ARHGEF17: variants seen among roughly 807,000 people sequenced by gnomAD.
ARHGEF17 encodes the protein Rho guanine nucleotide exchange factor 17, also known as 164 kDa Rho-specific guanine-nucleotide exchange factor.
ARHGEF17 carries 80 observed loss-of-function variants against 174.0 expected under a neutral mutation model. The observed-to-expected ratio is 0.46, with a 90% CI of 0.38 to 0.55. The LOEUF (loss-of-function observed/expected upper bound fraction) is 0.55. Among genes scored for constraint, ARHGEF17 ranks in the 20% least tolerant of loss-of-function variants. The pLI, the probability that ARHGEF17 is intolerant of heterozygous loss-of-function variation, is 0.00. For missense variants in ARHGEF17, 2,886 were observed against 2,839.7 expected, an observed-to-expected ratio of 1.02 and a Z score of -0.37; for synonymous variants, 1,311 against 1,189.1, an observed-to-expected ratio of 1.10 and a Z score of -2.11.
rs1448279286 is a variant in ARHGEF17, at chr11:73,363,102, G to A, written c.4997-104G>A. The A allele has an allele frequency of 1.3e-5, 19 of 1,416,568 alleles. No individual in the cohort carries two copies. In the Admixed American group the frequency reaches 5.1e-4, roughly 38 times the overall value. The allele number at this position is 1,416,568 out of a possible 1,614,324, so 87.7% of individuals were successfully genotyped here. On this transcript the variant is annotated intron_variant, in intron 14 of 20. Coordinates refer to ENST00000263674, the MANE Select transcript of ARHGEF17 (RefSeq NM_014786.4). ...AGGCCGGGGAAGAACAGCTTTGAGA[G>A]GCCTTCCGGAGGGGCATGGCCAGGA...
Position 73,308,955 on chromosome 11 carries a change from T to A in ARHGEF17, c.317T>A (p.Val106Asp). 3.7e-6 allele frequency: 5 copies of A among 1,358,880 alleles called. No homozygotes were observed. Among genetic ancestry groups the A allele is most frequent in the Non-Finnish European group, 4.7e-6 (5 of 1,061,026 alleles). 84.2% of individuals were successfully genotyped at this position (1,358,880 alleles called of 1,614,324 possible). Residue 106 changes from valine (V) to aspartate (D), a missense_variant, in exon 1 of 21, where the codon GTC becomes GAC. By Grantham distance (152) the Val-to-Asp change is radical (BLOSUM62 -3). This residue lies in a region of ARHGEF17 where 1,728 missense variants were observed against 1,461.2 expected (regional missense o/e 1.18). Transcript: ENST00000263674. ...DGSAGTRDGG[V>D]LPAAAEEAAE... is the part of the protein sequence containing the mutation. ...TCCGCTGGGACCCGAGACGGAGGCG[T>A]CTTACCCGCGGCCGCGGAAGAAGCG... is the stretch of plus-strand genomic sequence containing the variant.
intron 2 of ARHGEF17, 56 bp from the exon 3 acceptor site, chr11:73,352,774 G>A: frequency 6.3e-7 from 1 of 1,594,006 alleles, no homozygotes; most frequent in Non-Finnish European, 8.6e-7. Context: ...CCCTGTGTAG[G>A]TGTGGTGGGG....
rs779001452 is a variant in ARHGEF17, at chr11:73,309,122, G to C, written c.484G>C (p.Ala162Pro). Residue 162 changes from alanine (A) to proline (P), a missense_variant, in exon 1 of 21, where the codon GCT (alanine) becomes CCT (proline). This residue lies in a region of ARHGEF17 where 1,728 missense variants were observed against 1,461.2 expected (regional missense o/e 1.18). Coordinates refer to ENST00000263674, the MANE Select transcript of ARHGEF17 (RefSeq NM_014786.4). ...SPDGAAWEPP[A>P]RESRQPPTPP... ...CGACGGTGCCGCGTGGGAGCCTCCG[G>C]CTCGGGAGTCGCGGCAGCCACCGAC... is the stretch of plus-strand genomic sequence containing the variant. 1.5e-4 allele frequency: 238 copies of C among 1,570,344 alleles called. No homozygotes were observed. The highest frequency in any genetic ancestry group is 1.9e-4 in the Non-Finnish European group (226 of 1,160,900).
At position 73,346,863 on chromosome 11, in the gene ARHGEF17, C is replaced by T. The variant is rs2134411324; in HGVS notation, c.3193-20C>T. 2 of 1,457,756 alleles carry T rather than the reference C, an allele frequency of 1.4e-6. No homozygotes were observed. The highest frequency in any genetic ancestry group is 5.3e-5 in the East Asian group (2 of 37,766). 90.3% of individuals were successfully genotyped at this position (1,457,756 alleles called of 1,614,324 possible). On this transcript the variant is annotated intron_variant, in intron 1 of 20. Coordinates refer to ENST00000263674, the MANE Select transcript of ARHGEF17 (RefSeq NM_014786.4). ...GGGGGGAAAAAGACCCCTGTTCACC[C>T]TCTGCTCCTGTCCCCACAGGACATG...
chr11:73,320,628 CAAA>C (rs1165583721), intron 1 of ARHGEF17, among the ~76,000 whole-genome samples: 5 of 57,688 alleles, frequency 8.7e-5, no homozygotes, highest in African/African-American at 1.3e-4. Flanking sequence ...GACTCCGTCT[CAAA>C]AAAAAAAAAA....
intron 1 of ARHGEF17, among the ~76,000 whole-genome samples, chr11:73,332,348 TCC>T (rs1865218611): frequency 7.3e-6 from 1 of 136,124 alleles, no homozygotes; most frequent in East Asian, 2.1e-4. Context: ...AGGCTTTTTC[TCC>T]GTGTGTGTGT....
At chr11:73,366,161 T>C (rs1003122639) in intron 20 of ARHGEF17, among the ~76,000 whole-genome samples, 3 of 152,168 alleles carry the variant, frequency 2.0e-5, no homozygotes, top group Admixed American at 6.5e-5. Context: ...ATGTGTTGTG[T>C]GTATATAAAG....
intron 4 of ARHGEF17, 52 bp from the exon 5 acceptor site, chr11:73,355,809 A>G: frequency 6.2e-7 from 1 of 1,609,140 alleles, no homozygotes; most frequent in Non-Finnish European, 8.5e-7. Flanking sequence ...GTCCCTGGAC[A>G]TAGTCTTCCT....
intron 1 of ARHGEF17, among the ~76,000 whole-genome samples, chr11:73,336,087 G>T (rs1258326559): frequency 6.6e-6 from 1 of 152,152 alleles, no homozygotes; most frequent in Non-Finnish European, 1.5e-5. Context: ...GGTGCTCTGG[G>T]CTTGGCTTGA....
At chr11:73,324,782 A>G (rs927358006) in intron 1 of ARHGEF17, among the ~76,000 whole-genome samples, 1 of 152,216 alleles carries the variant, frequency 6.6e-6, no homozygotes, top group Non-Finnish European at 1.5e-5. Context: ...TAGTGATCCT[A>G]CTGGATTCAC....
intron 1 of ARHGEF17, among the ~76,000 whole-genome samples, chr11:73,346,132 T>G (rs1238511748): frequency 2.6e-5 from 4 of 152,110 alleles, no homozygotes. Flanking sequence ...ATCAGATCCA[T>G]AGGTTGGAGG....
At position 73,310,945 on chromosome 11, in the gene ARHGEF17, C is replaced by G. The variant is rs766542371; in HGVS notation, c.2307C>G (p.Leu769=). 1.9e-6 allele frequency: 3 copies of G among 1,614,130 alleles called. No individual in the cohort carries two copies. The highest frequency in any genetic ancestry group is 2.2e-5 in the South Asian group (2 of 91,078). ...LLGSLSPKTG[L]PATSAMDEGL... ...GCTCACTGAGCCCCAAGACAGGGCT[C>G]CCTGCCACCTCAGCCATGGATGAGG... Residue 769 remains leucine (L), a synonymous_variant, in exon 1 of 21, where the codon CTC becomes CTG. Coordinates refer to ENST00000263674, the MANE Select transcript of ARHGEF17 (RefSeq NM_014786.4).
rs1457017048 is a variant in ARHGEF17, at chr11:73,311,350, C to T, written c.2712C>T (p.His904=). ...PPPATAHRNF[H]LDPKLADILS... is the part of the protein sequence containing the mutation. ...CTGCCACTGCCCACCGAAACTTTCA[C>T]CTTGACCCCAAGCTGGCTGACATTC... The change falls in exon 1 of 21, where the codon CAC becomes CAT. Residue 904 remains histidine, a synonymous_variant. Coordinates refer to ENST00000263674, the MANE Select transcript of ARHGEF17 (RefSeq NM_014786.4). 3.7e-6 allele frequency: 6 copies of T among 1,613,266 alleles called. No homozygotes were observed. In the African/African-American group the frequency reaches 8.0e-5, roughly 22 times the overall value.
rs746398071 is a variant in ARHGEF17 at position 73,362,615 on chromosome 11, G to T, written c.4877G>T (p.Gly1626Val). The T allele has an allele frequency of 6.2e-7, 1 of 1,611,312 alleles. No homozygotes were observed. Among genetic ancestry groups the T allele is most frequent in the Non-Finnish European group, 8.5e-7 (1 of 1,180,000 alleles). Reference sequence around the variant, plus strand: ...GAGATGACGCCGGGCCTCGGCGAGGGTGACCCCCGCCCAGAGCTGGTGCCC... The same window carrying T: ...GAGATGACGCCGGGCCTCGGCGAGGTTGACCCCCGCCCAGAGCTGGTGCCC... ...GLEMTPGLGEGDPRPELVPFD... is the reference protein window; with the variant it reads ...GLEMTPGLGEVDPRPELVPFD... The change falls in exon 14 of 21, where the codon GGT becomes GTT. Residue 1626 changes from glycine to valine, a missense_variant. Gly to Val is a moderately radical substitution (Grantham distance 109). This residue lies in a region of ARHGEF17 where 476 missense variants were observed against 473.1 expected (regional missense o/e 1.01). Coordinates refer to ENST00000263674, the MANE Select transcript of ARHGEF17 (RefSeq NM_014786.4).
rs1865635520 is a variant in ARHGEF17, at chr11:73,356,216, A to G, written c.3705A>G (p.Pro1235=). The change falls in exon 6 of 21, where the codon CCA becomes CCG. Residue 1235 remains proline (P), a synonymous_variant. Coordinates refer to ENST00000263674, the MANE Select transcript of ARHGEF17 (RefSeq NM_014786.4). ...CACCTGAGGACCACCCGGACCATCCACTCCTGCTGGAGGCGCAGCGGAACA... is the reference window on the plus strand; with the variant it reads ...CACCTGAGGACCACCCGGACCATCCGCTCCTGCTGGAGGCGCAGCGGAACA... The part of the protein sequence containing the change: ...KHTPEDHPDH[P]LLLEAQRNIK... 1 of 1,613,652 alleles carries G rather than the reference A, an allele frequency of 6.2e-7. No individual in the cohort carries two copies. The highest frequency in any genetic ancestry group is 1.3e-5 in the African/African-American group (1 of 74,818).
At position 73,356,262 on chromosome 11, in the gene ARHGEF17, A is replaced by G. The variant is rs763483973; in HGVS notation, c.3751A>G (p.Ile1251Val). The change falls in exon 6 of 21, where the codon ATC becomes GTC. Residue 1251 changes from isoleucine to valine, a missense_variant. Physicochemically the swap from Ile to Val is conservative, Grantham distance 29. This residue lies in a region of ARHGEF17 where 353 missense variants were observed against 470.3 expected (regional missense o/e 0.75). Coordinates refer to ENST00000263674, the MANE Select transcript of ARHGEF17 (RefSeq NM_014786.4). ...GAACATCAAGCAGGTGGCTGAGCGC[A>G]TCAACAAGGGTGTGCGGAGTGCCGA... ...QRNIKQVAER[I>V]NKGVRSAEEA... 3.9e-5 allele frequency: 63 copies of G among 1,613,764 alleles called. 1 individual carries two copies. The South Asian group carries it at 6.7e-4, about 17-fold the overall frequency.
Position 73,363,277 on chromosome 11 carries a change from T to G in ARHGEF17, c.5068T>G (p.Phe1690Val), listed in dbSNP as rs1234225550. ...CTCAGAGGAGGAGCAGGAGCCAGGC[T>G]TCCTGCCACTGTCTGGCTCCTTTGG... is the stretch of plus-strand genomic sequence containing the variant. ...TSSEEEQEPG[F>V]LPLSGSFGPG... The change falls in exon 15 of 21, where the codon TTC becomes GTC. Residue 1690 changes from phenylalanine (F) to valine (V), a missense_variant. By Grantham distance (50) the Phe-to-Val change is conservative (BLOSUM62 -1). Coordinates refer to ENST00000263674, the MANE Select transcript of ARHGEF17 (RefSeq NM_014786.4). The G allele has an allele frequency of 1.9e-6, 3 of 1,610,836 alleles. No homozygotes were observed. The highest frequency in any genetic ancestry group is 1.7e-5 in the Admixed American group (1 of 59,900).
chr11:73,309,503 T>C lies in ARHGEF17; in HGVS notation c.865T>C (p.Trp289Arg), dbSNP rs1278455036. The change falls in exon 1 of 21, where the codon TGG becomes CGG. Residue 289 changes from tryptophan to arginine, a missense_variant. Physicochemically the swap from Trp to Arg is moderately radical, Grantham distance 101. Transcript: ENST00000263674. ...CCGAGACGGTGAGGGCGGCCACCGC[T>C]GGGGAGGGAGGCCCGGGCTCAGGCC... Reference protein sequence around the residue: ...DDRDGEGGHRWGGRPGLRPGS... With the variant: ...DDRDGEGGHRRGGRPGLRPGS... The C allele has an allele frequency of 6.4e-7, 1 of 1,554,690 alleles. No individual in the cohort carries two copies. The highest frequency in any genetic ancestry group is 1.2e-5 in the South Asian group (1 of 84,352).
At chr11:73,342,166 A>C (rs538914577) in intron 1 of ARHGEF17, among the ~76,000 whole-genome samples, 2 of 150,824 alleles carry the variant, frequency 1.3e-5, no homozygotes, top group East Asian at 3.9e-4. Flanking sequence ...GTGGGAGCAC[A>C]GTCTAGGGGT....
Sources: gnomAD v4.1 joint callset for allele counts (sites outside exome capture counted in the v4.1 genomes callset) on GRCh38, gnomAD v4.1.1 for gene constraint, gnomAD v4.1.1 regional missense constraint, MANE v1.5 for transcripts, NCBI Gene and HGNC (gene_info 2026-07-23, HGNC 2026-07-21) for gene names.